The following TXNDC8 variants were observed in gnomAD, a reference collection of about 807,000 sequenced individuals.
TXNDC8 encodes the protein thioredoxin domain-containing protein 8.
TXNDC8 carries 15 observed loss-of-function variants against 12.9 expected under a neutral mutation model. That is an observed-to-expected ratio of 1.16 (90% CI 0.78 to 1.79). The LOEUF is 1.79. TXNDC8 is among the 40% of genes most tolerant of loss of function. TXNDC8 has a pLI of 0.00. For synonymous variants in TXNDC8, 40 were observed against 35.4 expected (o/e 1.13, Z -0.46); for missense variants, 128 against 113.2 (o/e 1.13, Z -0.59).
At chr9:110,318,696 C>T (rs1838978539) in intron 3 of TXNDC8, among the ~76,000 whole-genome samples, 1 of 151,910 alleles carries the variant, frequency 6.6e-6, no homozygotes, top group Non-Finnish European at 1.5e-5. Context: ...TGAGATAGTG[C>T]CACTGCCCTC....
chr9:110,312,601 CA>C (rs1167382955), intron 3 of TXNDC8, among the ~76,000 whole-genome samples: 6 of 152,024 alleles, frequency 3.9e-5, no homozygotes, highest in Non-Finnish European at 8.8e-5. Context: ...GGCTCAGCTT[CA>C]AAAAAGTCTT....
chr9:110,334,267 T>C lies in TXNDC8; in HGVS notation c.78A>G (p.Gln26=). ...AGGGACCACACCGTTTCGAAGAAAA[T>C]TGAACCACTGCGAGTTTGTGTCCGG... is the stretch of plus-strand genomic sequence containing the variant. The change falls in exon 2 of 5, where the codon CAA becomes CAG. Residue 26 remains glutamine (Q), a synonymous_variant. Transcript: ENST00000423740. The C allele has an allele frequency of 6.2e-7, 1 of 1,613,942 alleles. No individual in the cohort carries two copies.
intron 3 of TXNDC8, chr9:110,323,460 A>T: frequency 2.1e-6 from 1 of 475,496 alleles, no homozygotes; most frequent in Non-Finnish European, 2.7e-6. Flanking sequence ...AGGTGCAGGG[A>T]GATCCTTGGT....
chr9:110,330,539 C>T lies in TXNDC8; in HGVS notation c.129+3677G>A, dbSNP rs574323265. Among the ~76,000 whole-genome samples, 19 of 152,314 alleles carry T rather than the reference C, an allele frequency of 1.2e-4. No homozygotes were observed. In the East Asian group the frequency reaches 2.1e-3, roughly 17 times the overall value. On this transcript the variant is annotated intron_variant, in intron 2 of 4. Transcript: ENST00000423740. The stretch of plus-strand genomic sequence containing the variant: ...TCACAGACTACATATTGCCTTCCCC[C>T]GATCACATCATACAATTTCTCAACA...
At chr9:110,310,536 T>G (rs183655463) in intron 3 of TXNDC8, among the ~76,000 whole-genome samples, 49 of 152,330 alleles carry the variant, frequency 3.2e-4, no homozygotes, top group Non-Finnish European at 6.5e-4. Context: ...TTATGTGTTA[T>G]GTTACACAAT....
intron 3 of TXNDC8, among the ~76,000 whole-genome samples, chr9:110,311,068 T>C (rs1200678219): frequency 2.0e-5 from 3 of 152,210 alleles, no homozygotes; most frequent in Admixed American, 2.0e-4. Flanking sequence ...CTCCCAAAGT[T>C]AGTTTGGCCT....
chr9:110,311,895 C>CT (rs958202582), intron 3 of TXNDC8, among the ~76,000 whole-genome samples: 2 of 141,386 alleles, frequency 1.4e-5, no homozygotes, highest in Non-Finnish European at 1.5e-5. Context: ...ACTAATTTAA[C>CT]TTTTTTTTTT....
chr9:110,316,621 A>AT (rs1209172157), intron 3 of TXNDC8, among the ~76,000 whole-genome samples: 1 of 152,188 alleles, frequency 6.6e-6, no homozygotes, highest in African/African-American at 2.4e-5. Flanking sequence ...AACAATGTTA[A>AT]TTTTTTTCCT....
At chr9:110,315,645 T>G (rs1350979211) in intron 3 of TXNDC8, among the ~76,000 whole-genome samples, 1 of 152,128 alleles carries the variant, frequency 6.6e-6, no homozygotes, top group African/African-American at 2.4e-5. Flanking sequence ...TAGCTGGGAC[T>G]ACAGAATCCT....
At chr9:110,306,057 G>A (rs1379903174) in intron 3 of TXNDC8, among the ~76,000 whole-genome samples, 1 of 151,860 alleles carries the variant, frequency 6.6e-6, no homozygotes, top group African/African-American at 2.4e-5. Flanking sequence ...AGCAGAAACG[G>A]GCTTTCACCA....
intron 2 of TXNDC8, among the ~76,000 whole-genome samples, chr9:110,328,890 T>G (rs1417886157): frequency 6.6e-6 from 1 of 152,172 alleles, no homozygotes; most frequent in Non-Finnish European, 1.5e-5. Context: ...TTTAACAGAT[T>G]TCTATTGTCT....
chr9:110,316,531 G>A (rs1023697441), intron 3 of TXNDC8, among the ~76,000 whole-genome samples: 2 of 152,120 alleles, frequency 1.3e-5, no homozygotes, highest in South Asian at 2.1e-4. Flanking sequence ...CTTGATTAAA[G>A]TTTTTGGAGG....
At chr9:110,330,998 T>C (rs941380136) in intron 2 of TXNDC8, among the ~76,000 whole-genome samples, 1 of 152,228 alleles carries the variant, frequency 6.6e-6, no homozygotes, top group African/African-American at 2.4e-5. Flanking sequence ...GAAAATGTCT[T>C]GAATTCTTTC....
chr9:110,317,781 C>T (rs143566785), intron 3 of TXNDC8, among the ~76,000 whole-genome samples: 77 of 152,332 alleles, frequency 5.1e-4, no homozygotes, highest in East Asian at 3.5e-3. Context: ...TGATTAGCCA[C>T]GTGACTCCTT....
chr9:110,334,372 C>T (rs374851993), intron 1 of TXNDC8, 52 bp from the exon 2 acceptor site: 4 of 1,477,512 alleles, frequency 2.7e-6, no homozygotes, highest in Non-Finnish European at 2.8e-6. Flanking sequence ...AATCTCATGA[C>T]ATTTTGTAGA....
At chr9:110,308,062 TCTC>T (rs761391533) in intron 3 of TXNDC8, among the ~76,000 whole-genome samples, 11 of 152,178 alleles carry the variant, frequency 7.2e-5, no homozygotes, top group Non-Finnish European at 2.9e-5. Context: ...CTTTGGCAAA[TCTC>T]CTGTTGGTGC....
chr9:110,303,403 G>C (rs1838312735), downstream of TXNDC8: 1 of 1,184,506 alleles, frequency 8.4e-7, no homozygotes, highest in Admixed American at 2.6e-5. Context: ...TATTCAACCA[G>C]CAAAGCATTA....
intron 3 of TXNDC8, among the ~76,000 whole-genome samples, chr9:110,316,506 T>C (rs1012766274): frequency 2.3e-4 from 35 of 152,172 alleles, no homozygotes; most frequent in African/African-American, 8.2e-4. Context: ...AGACAGGCTT[T>C]GCAACTGCAA....
At chr9:110,327,547 T>G (rs1661589352) in intron 2 of TXNDC8, among the ~76,000 whole-genome samples, 1 of 152,080 alleles carries the variant, frequency 6.6e-6, no homozygotes, top group Non-Finnish European at 1.5e-5. Context: ...GGTCTTGAAC[T>G]CCTGACCTCA....
Sources: allele counts gnomAD v4.1 joint callset (sites outside exome capture counted in the v4.1 genomes callset), GRCh38; gene constraint gnomAD v4.1.1; transcripts MANE v1.5; gene names NCBI Gene and HGNC (gene_info 2026-07-23, HGNC 2026-07-21).